AHNAK2: variants seen among roughly 807,000 people sequenced by gnomAD.
The protein encoded by AHNAK2 is protein AHNAK2.
In AHNAK2, 18 loss-of-function variants were observed where a neutral mutation model predicts 30.7. That is an observed-to-expected ratio of 0.59 (90% CI 0.41 to 0.87). The LOEUF is 0.87. Ranked by LOEUF, AHNAK2 falls within the 40% of genes least tolerant of loss-of-function variation. The probability of loss-of-function intolerance (pLI) is 0.00; values close to 1 mark genes in which losing one functional copy is unlikely to be tolerated. For missense variants in AHNAK2, 8,604 were observed against 7,373.0 expected, an observed-to-expected ratio of 1.17 and a Z score of -6.11; for synonymous variants, 3,590 against 3,073.8, an observed-to-expected ratio of 1.17 and a Z score of -5.56.
In AHNAK2 at chr14:104,955,076, G is replaced by A. The variant is rs1356049509; in HGVS notation, c.532C>T (p.Leu178Phe). 4 of 1,613,550 alleles carry A rather than the reference G, an allele frequency of 2.5e-6. No individual in the cohort carries two copies. In the South Asian group the frequency reaches 3.3e-5, roughly 13 times the overall value. ...ACCTTGTACGGCTCTGAATATTGAA[G>A]GATTTTGAGAGCATCTTCATATTTT... ...NIKYEDALKI[L>F]QYSEPYKVQF... Residue 178 changes from leucine to phenylalanine, a missense_variant, in exon 6 of 7, where the codon CTT becomes TTT. By Grantham distance (22) the Leu-to-Phe change is conservative. Coordinates refer to ENST00000333244, the MANE Select transcript of AHNAK2 (RefSeq NM_138420.4).
chr14:104,952,276 C>A lies in AHNAK2; in HGVS notation c.3175G>T (p.Ala1059Ser). 3.7e-6 allele frequency: 6 copies of A among 1,612,664 alleles called. No individual in the cohort carries two copies. Residue 1059 changes from alanine to serine, a missense_variant, in exon 7 of 7, where the codon GCT becomes TCT. Transcript: ENST00000333244. ...GGGAGCTTCACATCCACCTGGTCAG[C>A]CTGGACCTTCAGGTCAGTAGAAGCA... Reference protein sequence around the residue: ...QPASTDLKVQADQVDVKLPEG... With the variant: ...QPASTDLKVQSDQVDVKLPEG...
intron 1 of AHNAK2, among the ~76,000 whole-genome samples, chr14:104,961,442 G>A (rs1297231583): frequency 6.8e-6 from 1 of 147,372 alleles, no homozygotes; most frequent in Admixed American, 6.8e-5. Context: ...TGAACCCCGG[G>A]GGGCGGAGCC....
rs760948655 is a variant in AHNAK2 at position 104,941,597 on chromosome 14, G to C, written c.13854C>G (p.His4618Gln). ...ARLEGDLSLAHEDVAGKDSKF... is the reference protein window; with the variant it reads ...ARLEGDLSLAQEDVAGKDSKF... ...TACTGTCTTTCCCAGCTACATCCTC[G>C]TGGGCCAGGGACAGGTCCCCCTCAA... Residue 4618 changes from histidine to glutamine, a missense_variant, in exon 7 of 7, where the codon CAC becomes CAG. His to Gln is a conservative substitution (Grantham distance 24, BLOSUM62 0). Transcript: ENST00000333244. The C allele has an allele frequency of 1.9e-6, 3 of 1,613,302 alleles. No individual in the cohort carries two copies. Among genetic ancestry groups the C allele is most frequent in the Non-Finnish European group, 1.7e-6 (2 of 1,179,872 alleles).
Position 104,950,519 on chromosome 14 carries a change from C to T in AHNAK2, c.4932G>A (p.Leu1644=), listed in dbSNP as rs1898627127. Residue 1644 remains leucine, a synonymous_variant, in exon 7 of 7, where the codon CTG becomes CTA. Coordinates refer to ENST00000333244, the MANE Select transcript of AHNAK2 (RefSeq NM_138420.4). ...CAGTCACCGCCTTGTCGGCCAGGGA[C>T]AGGTCCCCCTCCAGCTGCGCACCAT... ...KLDGAQLEGD[L]SLADKAVTAK... 3 of 1,587,192 alleles carry T rather than the reference C, an allele frequency of 1.9e-6. No individual in the cohort carries two copies. The highest frequency in any genetic ancestry group is 2.2e-5 in the South Asian group (2 of 89,644).
chr14:104,939,318 T>C lies in AHNAK2; in HGVS notation c.16133A>G (p.Glu5378Gly). The C allele has an allele frequency of 6.2e-7, 1 of 1,613,746 alleles. No homozygotes were observed. The highest frequency in any genetic ancestry group is 2.2e-5 in the East Asian group (1 of 44,890). Residue 5378 changes from glutamate (E) to glycine (G), a missense_variant, in exon 7 of 7, where the codon GAA (glutamate) becomes GGA (glycine). By Grantham distance (98) the Glu-to-Gly change is moderately conservative. Coordinates refer to ENST00000333244, the MANE Select transcript of AHNAK2 (RefSeq NM_138420.4). ...GAATTTGACAGTTAGGACAGAATCTTCCCACAGTTGATCCACATTAACCAC... is the reference window on the plus strand; with the variant it reads ...GAATTTGACAGTTAGGACAGAATCTCCCCACAGTTGATCCACATTAACCAC... ...ISVVNVDQLWEDSVLTVKFPK... is the reference protein window; with the variant it reads ...ISVVNVDQLWGDSVLTVKFPK...
intron 1 of AHNAK2, among the ~76,000 whole-genome samples, chr14:104,967,869 G>A (rs1211813294): frequency 6.6e-5 from 10 of 152,164 alleles, no homozygotes; most frequent in Non-Finnish European, 1.3e-4. Context: ...CCAGTCCCCC[G>A]CCAAGAGCAC....
At position 104,949,096 on chromosome 14, in the gene AHNAK2, T is replaced by G. The variant is rs199970974; in HGVS notation, c.6355A>C (p.Met2119Leu). 6 of 1,008,688 alleles carry G rather than the reference T, an allele frequency of 5.9e-6. 1 individual carries two copies. Among genetic ancestry groups the G allele is most frequent in the Non-Finnish European group, 8.5e-6 (6 of 708,416 alleles). 62.5% of individuals were successfully genotyped at this position (1,008,688 alleles called of 1,614,324 possible). A position where few individuals can be genotyped will look rare whatever the true frequency, so the allele number is the denominator to read the frequency against. ...CTTGGGGCCTGGACGTCCACCTCCA[T>G]GCTGGGCAGAGACACCTCGACATCG... Reference protein sequence around the residue: ...VPDVEVSLPSMEVDVQAPRAK... With the variant: ...VPDVEVSLPSLEVDVQAPRAK... The change falls in exon 7 of 7, where the codon ATG becomes CTG. Residue 2119 changes from methionine (M) to leucine (L), a missense_variant. By Grantham distance (15) the Met-to-Leu change is conservative. Transcript: ENST00000333244.
At position 104,954,550 on chromosome 14, in the gene AHNAK2, C is replaced by G; in HGVS notation, c.901G>C (p.Glu301Gln). ...TGGCGCTCCACCGTGAGCTGGGCCT[C>G]TGTGTCTGTGCTTGTAGGGGACACG... Reference protein sequence around the residue: ...HDVSPTSTDTEAQLTVERQEQ... With the variant: ...HDVSPTSTDTQAQLTVERQEQ... The change falls in exon 7 of 7, where the codon GAG becomes CAG. Residue 301 changes from glutamate (E) to glutamine (Q), a missense_variant. By Grantham distance (29) the Glu-to-Gln change is conservative (BLOSUM62 2). Transcript: ENST00000333244. This position sits in a 1 kb window ranked among gnomAD's most constrained non-coding sequence, Gnocchi z 4.3. The G allele has an allele frequency of 1.2e-6, 2 of 1,609,604 alleles. No homozygotes were observed. Among genetic ancestry groups the G allele is most frequent in the Non-Finnish European group, 1.7e-6 (2 of 1,178,046 alleles).
chr14:104,968,496 T>C (rs1190562540), intron 1 of AHNAK2, among the ~76,000 whole-genome samples: 1 of 152,134 alleles, frequency 6.6e-6, no homozygotes, highest in Non-Finnish European at 1.5e-5. Flanking sequence ...GGGTCCAGAT[T>C]GAGGACTCCC....
intron 1 of AHNAK2, among the ~76,000 whole-genome samples, chr14:104,968,669 A>G (rs1899382314): frequency 6.6e-6 from 1 of 152,144 alleles, no homozygotes; most frequent in African/African-American, 2.4e-5. Context: ...GTGCATTTGC[A>G]AGTCCCCAGG....
Position 104,953,556 on chromosome 14 carries a change from C to G in AHNAK2, c.1895G>C (p.Gly632Ala). ...DRREQRRTEE[G>A]LKDKEDSDSM... ...GTCACTGTCTTCTTTGTCTTTTAAT[C>G]CTTCCTCTGTGCGTCTCTGTTCTCT... The change falls in exon 7 of 7, where the codon GGA becomes GCA. Residue 632 changes from glycine to alanine, a missense_variant. Gly to Ala is a moderately conservative substitution (Grantham distance 60, BLOSUM62 0). Coordinates refer to ENST00000333244, the MANE Select transcript of AHNAK2 (RefSeq NM_138420.4). 1 of 1,613,992 alleles carries G rather than the reference C, an allele frequency of 6.2e-7. No homozygotes were observed. Among genetic ancestry groups the G allele is most frequent in the Non-Finnish European group, 8.5e-7 (1 of 1,179,888 alleles).
At chr14:104,965,139 T>C (rs1449234135) in intron 1 of AHNAK2, among the ~76,000 whole-genome samples, 2 of 152,204 alleles carry the variant, frequency 1.3e-5, no homozygotes, top group Admixed American at 6.5e-5. Flanking sequence ...TCTTCCAATG[T>C]AGCCCAGGGA....
rs780542183 is a variant in AHNAK2 at position 104,941,058 on chromosome 14, G to A, written c.14393C>T (p.Thr4798Ile). ...AGGGGCCAAGGCAGCTCTGGGAACAGTCACCTGGTATTTTGTAAGTGTAAC... is the reference window on the plus strand; with the variant it reads ...AGGGGCCAAGGCAGCTCTGGGAACAATCACCTGGTATTTTGTAAGTGTAAC... ...EDVTLTKYQV[T>I]VPRAALAPEL... The change falls in exon 7 of 7, where the codon ACT (threonine) becomes ATT (isoleucine). Residue 4798 changes from threonine (T) to isoleucine (I), a missense_variant. Physicochemically the swap from Thr to Ile is moderately conservative, Grantham distance 89. Coordinates refer to ENST00000333244, the MANE Select transcript of AHNAK2 (RefSeq NM_138420.4). 6.2e-7 allele frequency: 1 copy of A among 1,613,668 alleles called. No homozygotes were observed. Among genetic ancestry groups the A allele is most frequent in the African/African-American group, 1.3e-5 (1 of 75,044 alleles).
Position 104,940,157 on chromosome 14 carries a change from G to A in AHNAK2, c.15294C>T (p.Gly5098=), listed in dbSNP as rs1234078330. 6.2e-7 allele frequency: 1 copy of A among 1,613,410 alleles called. No homozygotes were observed. The highest frequency in any genetic ancestry group is 8.5e-7 in the Non-Finnish European group (1 of 1,179,906). The change falls in exon 7 of 7, where the codon GGC becomes GGT. Residue 5098 remains glycine (G), a synonymous_variant. Coordinates refer to ENST00000333244, the MANE Select transcript of AHNAK2 (RefSeq NM_138420.4). This position sits in a 1 kb window ranked among gnomAD's most constrained non-coding sequence, Gnocchi z 4.4. ...AGGATCTGAGATCAGGTTTGGCAAA[G>A]CCCAAACTGGGAATGTGGACCTGTG... The part of the protein sequence containing the change: ...HRPQVHIPSL[G]FAKPDLRSSK...
chr14:104,953,006 C>A lies in AHNAK2; in HGVS notation c.2445G>T (p.Leu815=). 1 of 1,612,958 alleles carries A rather than the reference C, an allele frequency of 6.2e-7. No individual in the cohort carries two copies. Among genetic ancestry groups the A allele is most frequent in the South Asian group, 1.1e-5 (1 of 91,040 alleles). Residue 815 remains leucine (L), a synonymous_variant, in exon 7 of 7, where the codon CTG becomes CTT. Transcript: ENST00000333244. ...APRAKLDGAR[L]EGDLSLADKE... Reference sequence around the variant, plus strand: ...TGTCGGCCAGGGACAGGTCCCCCTCCAGCCGCGCACCATCCAGCTTTGCTC... The same window carrying A: ...TGTCGGCCAGGGACAGGTCCCCCTCAAGCCGCGCACCATCCAGCTTTGCTC...
In AHNAK2 at chr14:104,941,459, T is replaced by C; in HGVS notation, c.13992A>G (p.Thr4664=). The C allele has an allele frequency of 6.2e-7, 1 of 1,612,426 alleles. No homozygotes were observed. The highest frequency in any genetic ancestry group is 8.5e-7 in the Non-Finnish European group (1 of 1,179,278). Residue 4664 remains threonine (T), a synonymous_variant, in exon 7 of 7, where the codon ACA becomes ACG. Coordinates refer to ENST00000333244, the MANE Select transcript of AHNAK2 (RefSeq NM_138420.4). ...GAACAACAGATTCCACAATGGGAAA[T>C]GTGGAAGTCTTCTCATGGAATGTAA... ...GNVTFHEKTS[T]FPIVESVVHE...
At position 104,950,570 on chromosome 14, in the gene AHNAK2, G is replaced by A. The variant is rs371884074; in HGVS notation, c.4881C>T (p.Asp1627=). The A allele has an allele frequency of 4.1e-4, 650 of 1,586,310 alleles. 63 individuals are homozygous for A. The Admixed American group carries it at 4.2e-3, about 10-fold the overall frequency. The change falls in exon 7 of 7, where the codon GAC becomes GAT. Residue 1627 remains aspartate (D), a synonymous_variant. Coordinates refer to ENST00000333244, the MANE Select transcript of AHNAK2 (RefSeq NM_138420.4). ...VKMSLSSMEV[D]VQAPRAKLDG... is the part of the protein sequence containing the mutation. ...CCAGCTTTGCTCTCGGGGCCTGGAC[G>A]TCCACCTCCATGCTGGACAGAGACA... is the stretch of plus-strand genomic sequence containing the variant.
At chr14:104,964,200 T>A (rs985370697) in intron 1 of AHNAK2, among the ~76,000 whole-genome samples, 1 of 152,174 alleles carries the variant, frequency 6.6e-6, no homozygotes, top group African/African-American at 2.4e-5. Flanking sequence ...AGGTAGCTCA[T>A]AGAAGAGGAT....
chr14:104,954,187 T>C lies in AHNAK2; in HGVS notation c.1264A>G (p.Lys422Glu), dbSNP rs1302205779. 6.2e-7 allele frequency: 1 copy of C among 1,610,172 alleles called. No homozygotes were observed. The highest frequency in any genetic ancestry group is 1.3e-5 in the African/African-American group (1 of 74,910). Residue 422 changes from lysine to glutamate, a missense_variant, in exon 7 of 7, where the codon AAG becomes GAG. Lys to Glu is a moderately conservative substitution (Grantham distance 56, BLOSUM62 1). Coordinates refer to ENST00000333244, the MANE Select transcript of AHNAK2 (RefSeq NM_138420.4). This position sits in a 1 kb window ranked among gnomAD's most constrained non-coding sequence, Gnocchi z 4.3. ...GGLRAARLHGKTLEGQAQETA... is the reference protein window; with the variant it reads ...GGLRAARLHGETLEGQAQETA... ...TCCTGTGCCTGCCCCTCCAGGGTCTTTCCATGGAGCCTGGCTGCCCTGAGT... is the reference window on the plus strand; with the variant it reads ...TCCTGTGCCTGCCCCTCCAGGGTCTCTCCATGGAGCCTGGCTGCCCTGAGT...
Sources: allele counts gnomAD v4.1 joint callset (sites outside exome capture counted in the v4.1 genomes callset), GRCh38; gene constraint gnomAD v4.1.1; non-coding constraint Gnocchi (gnomAD v3.1); transcripts MANE v1.5; gene names NCBI Gene and HGNC (gene_info 2026-07-23, HGNC 2026-07-21).